CPEB2: variants seen among roughly 807,000 people sequenced by gnomAD.
CPEB2 encodes the protein cytoplasmic polyadenylation element binding protein 2.
In CPEB2, 56 loss-of-function variants were observed where a neutral mutation model predicts 93.6. The ratio of observed to expected loss-of-function variants is 0.60; its 90% CI spans 0.48 to 0.75. The LOEUF (loss-of-function observed/expected upper bound fraction) is 0.75, where lower values mean the gene tolerates loss of function less well. Ranked by LOEUF, CPEB2 falls within the 30% of genes least tolerant of loss-of-function variation. The pLI, the probability that CPEB2 is intolerant of heterozygous loss-of-function variation, is 0.00. For synonymous variants in CPEB2, 764 were observed against 586.3 expected (o/e 1.30, Z -4.38); for missense variants, 1,579 against 1,395.1 (o/e 1.13, Z -2.10).
rs377089802 is a variant in CPEB2 at position 15,054,231 on chromosome 4, T to C, written c.2461+14T>C. On this transcript the variant is annotated intron_variant, in intron 8 of 11. Coordinates refer to ENST00000538197, the MANE Select transcript of CPEB2 (RefSeq NM_001177382.2). ...TTCCACCAAAAGGTAAGGATTGTTA[T>C]TGTTAATATTTGCTAGGAAATTGGT... The C allele has an allele frequency of 1.3e-6, 2 of 1,574,004 alleles. No individual in the cohort carries two copies. Among genetic ancestry groups the C allele is most frequent in the Non-Finnish European group, 1.7e-6 (2 of 1,149,014 alleles).
intron 5 of CPEB2, among the ~76,000 whole-genome samples, chr4:15,037,146 C>CA (rs1314266375): frequency 6.6e-6 from 1 of 151,838 alleles, no homozygotes; most frequent in African/African-American, 2.4e-5. Context: ...ACTAAAAATA[C>CA]AAAAAAATTA....
chr4:15,044,422 C>T (rs778565737), intron 6 of CPEB2, among the ~76,000 whole-genome samples: 4 of 152,110 alleles, frequency 2.6e-5, no homozygotes, highest in Admixed American at 6.6e-5. Context: ...TACACCTATA[C>T]CCAGCAATAT....
intron 6 of CPEB2, among the ~76,000 whole-genome samples, chr4:15,045,354 ATC>A (rs1267990129): frequency 3.3e-5 from 5 of 152,178 alleles, no homozygotes; most frequent in African/African-American, 4.8e-5. Flanking sequence ...GTACATAAAT[ATC>A]TGTCATAAAT....
At chr4:15,017,472 C>T (rs1724304936) in intron 4 of CPEB2, 194 bp downstream of exon 4, 1 of 397,404 alleles carries the variant, frequency 2.5e-6, no homozygotes, top group South Asian at 5.8e-5. Context: ...ACTCACCTCC[C>T]TTGACTTACA....
rs76239993 is a variant in CPEB2 at position 15,005,458 on chromosome 4, C to T, written c.1662+1123C>T. On this transcript the variant is annotated intron_variant, in intron 1 of 11. Transcript: ENST00000538197. Reference sequence around the variant, plus strand: ...GATTCAAGATCTTTTTTGTTATTCCCTCAATACAATTTTTGGGTGACCGCT... The same window carrying T: ...GATTCAAGATCTTTTTTGTTATTCCTTCAATACAATTTTTGGGTGACCGCT... 6.7e-3 allele frequency among the ~76,000 whole-genome samples: 1,015 copies of T among 152,250 alleles called. 12 individuals are homozygous for T. Among genetic ancestry groups the T allele is most frequent in the African/African-American group, 0.023 (954 of 41,526 alleles).
chr4:15,003,257 C>T lies in CPEB2; in HGVS notation c.584C>T (p.Pro195Leu). ...PHLPHPPDSK[P>L]PPPPPPLHCP... ...CTTCCCCACCCTCCGGACTCGAAGC[C>T]GCCGCCGCCGCCTCCGCCGCTCCAC... Residue 195 changes from proline to leucine, a missense_variant, in exon 1 of 12, where the codon CCG becomes CTG. Physicochemically the swap from Pro to Leu is moderately conservative, Grantham distance 98. Coordinates refer to ENST00000538197, the MANE Select transcript of CPEB2 (RefSeq NM_001177382.2). 1 of 1,509,064 alleles carries T rather than the reference C, an allele frequency of 6.6e-7. No homozygotes were observed. Among genetic ancestry groups the T allele is most frequent in the Non-Finnish European group, 8.8e-7 (1 of 1,131,642 alleles). The allele number at this position is 1,509,064 out of a possible 1,614,324, so 93.5% of individuals were successfully genotyped here.
intron 2 of CPEB2, 55 bp from the exon 3 acceptor site, chr4:15,008,283 T>C: frequency 8.6e-7 from 1 of 1,164,298 alleles, no homozygotes; most frequent in South Asian, 1.2e-5. Flanking sequence ...TTTCGTTGGG[T>C]GGGTATGGGG....
chr4:15,050,545 A>G (rs1191969847), intron 6 of CPEB2, among the ~76,000 whole-genome samples: 2 of 152,156 alleles, frequency 1.3e-5, no homozygotes, highest in Non-Finnish European at 2.9e-5. Context: ...ATAAAACTCT[A>G]AATACATGCA....
In CPEB2 at chr4:15,068,424, C is replaced by G. The variant is rs1729861478; in HGVS notation, c.*2044C>G. Reference sequence around the variant, plus strand: ...TATTCTTTTCTAACCTTAACCCTGCCAAACCTTGATCCATTTTGACATTTG... The same window carrying G: ...TATTCTTTTCTAACCTTAACCCTGCGAAACCTTGATCCATTTTGACATTTG... On this transcript the variant is annotated 3_prime_UTR_variant, in exon 12 of 12. Transcript: ENST00000538197. The G allele has an allele frequency of 6.6e-6, 1 of 152,348 alleles. No homozygotes were observed. Among genetic ancestry groups the G allele is most frequent in the Admixed American group, 6.6e-5 (1 of 15,216 alleles). The allele number at this position is 152,348 out of a possible 1,614,324, so 9.4% of individuals were successfully genotyped here. A position where few individuals can be genotyped will look rare whatever the true frequency, so the allele number is the denominator to read the frequency against.
chr4:15,066,356 T>A lies in CPEB2; in HGVS notation c.3081T>A (p.Arg1027=), dbSNP rs1729706285. ...TAAAGGAAGGTGCTGATCGCCCACG[T>A]CAGATCCACTTCCGCTGGAACTAAG... ...PLVKEGADRP[R]QIHFRWN is the part of the protein sequence containing the mutation. The change falls in exon 12 of 12, where the codon CGT becomes CGA. Residue 1027 remains arginine, a synonymous_variant. Coordinates refer to ENST00000538197, the MANE Select transcript of CPEB2 (RefSeq NM_001177382.2). 1 of 1,609,496 alleles carries A rather than the reference T, an allele frequency of 6.2e-7. No homozygotes were observed. The highest frequency in any genetic ancestry group is 8.5e-7 in the Non-Finnish European group (1 of 1,177,378).
intron 4 of CPEB2, among the ~76,000 whole-genome samples, chr4:15,030,012 G>C (rs904592392): frequency 6.6e-6 from 1 of 151,856 alleles, no homozygotes; most frequent in African/African-American, 2.4e-5. Flanking sequence ...TTGGTTTTTT[G>C]TTTTTTACTC....
At chr4:15,046,117 TAAGTAA>T (rs1416231114) in intron 6 of CPEB2, among the ~76,000 whole-genome samples, 2 of 152,216 alleles carry the variant, frequency 1.3e-5, no homozygotes, top group African/African-American at 4.8e-5. Context: ...CTTGGATGTA[TAAGTAA>T]AAGTGGAATT....
chr4:15,017,152 A>AT (rs1560221752), intron 3 of CPEB2, 36 bp from the exon 4 acceptor site: 1 of 1,193,908 alleles, frequency 8.4e-7, no homozygotes, highest in South Asian at 1.2e-5. Flanking sequence ...AAAAAACTGC[A>AT]TAGATTATAA....
chr4:15,023,147 TACTC>T (rs1301325309), intron 4 of CPEB2, among the ~76,000 whole-genome samples: 7 of 152,066 alleles, frequency 4.6e-5, no homozygotes, highest in East Asian at 1.9e-4. Flanking sequence ...GCAATCCTGT[TACTC>T]ACCACAAAAC....
chr4:15,058,465 C>G lies in CPEB2; in HGVS notation c.2506C>G (p.Leu836Val), dbSNP rs1400727090. The change falls in exon 9 of 12, where the codon CTC becomes GTC. Residue 836 changes from leucine to valine, a missense_variant. This residue lies in a region of CPEB2 where 168 missense variants were observed against 339.1 expected (regional missense o/e 0.50). Transcript: ENST00000538197. ...TCAAGAAGAGAGCTCAGTTCAGGCA[C>G]TCATTGATGCTTGTATTGAAGAAGA... ...LFQEESSVQA[L>V]IDACIEEDGK... 6.2e-7 allele frequency: 1 copy of G among 1,612,652 alleles called. No individual in the cohort carries two copies. Among genetic ancestry groups the G allele is most frequent in the Non-Finnish European group, 8.5e-7 (1 of 1,179,078 alleles).
chr4:15,032,331 A>G (rs1726203820), intron 4 of CPEB2, among the ~76,000 whole-genome samples: 1 of 152,186 alleles, frequency 6.6e-6, no homozygotes, highest in African/African-American at 2.4e-5. Flanking sequence ...AAAATCCTGT[A>G]TTTTATAATA....
chr4:15,009,491 CTCTCTTCTCTAG>C (rs1242534507), intron 3 of CPEB2, among the ~76,000 whole-genome samples: 2 of 152,158 alleles, frequency 1.3e-5, no homozygotes, highest in African/African-American at 4.8e-5. Context: ...TTTACCTCTA[CTCTCTTCTCTAG>C]TCTGGTCCAG....
intron 11 of CPEB2, among the ~76,000 whole-genome samples, chr4:15,064,575 AT>A (rs112369237): frequency 6.0e-5 from 9 of 150,862 alleles, no homozygotes; most frequent in East Asian, 3.9e-4. Context: ...CTAAAATCTT[AT>A]TTTAAAAAAA....
chr4:15,012,799 C>T (rs371877646), intron 3 of CPEB2, among the ~76,000 whole-genome samples: 5 of 152,100 alleles, frequency 3.3e-5, no homozygotes, highest in Admixed American at 2.6e-4. Flanking sequence ...GTTCAAGCAT[C>T]TGCTAAATCA....
Sources: gnomAD v4.1 joint callset for allele counts (sites outside exome capture counted in the v4.1 genomes callset) on GRCh38, gnomAD v4.1.1 for gene constraint, gnomAD v4.1.1 regional missense constraint, MANE v1.5 for transcripts, NCBI Gene and HGNC (gene_info 2026-07-23, HGNC 2026-07-21) for gene names.